PAPPA2: variants seen among roughly 807,000 people sequenced by gnomAD.
The protein encoded by PAPPA2 is pappalysin-2.
Under a neutral mutation model 176.4 loss-of-function variants are expected in PAPPA2, and 86 were observed. The observed-to-expected ratio is 0.49, with a 90% CI of 0.41 to 0.58. The LOEUF (loss-of-function observed/expected upper bound fraction) is 0.58, where lower values mean the gene tolerates loss of function less well. Among genes scored for constraint, PAPPA2 ranks in the 20% least tolerant of loss-of-function variants. The pLI is 0.00. For missense variants in PAPPA2, 2,073 were observed against 2,256.9 expected (o/e 0.92, Z 1.65); for synonymous variants, 809 against 852.2 (o/e 0.95, Z 0.88).
chr1:176,495,930 G>T (rs1242064220), intron 1 of PAPPA2, among the ~76,000 whole-genome samples: 1 of 152,042 alleles, frequency 6.6e-6, no homozygotes, highest in African/African-American at 2.4e-5. Flanking sequence ...ATTATGCCTG[G>T]CTCTGCAGTG....
intron 3 of PAPPA2, among the ~76,000 whole-genome samples, chr1:176,645,283 A>G (rs1005530235): frequency 1.3e-5 from 2 of 151,490 alleles, no homozygotes; most frequent in Admixed American, 1.3e-4. Context: ...CCACAATTCT[A>G]CCCTCTATCT....
chr1:176,535,598 A>C (rs749990959), intron 1 of PAPPA2, among the ~76,000 whole-genome samples: 50 of 152,174 alleles, frequency 3.3e-4, no homozygotes, highest in Non-Finnish European at 5.3e-4. Context: ...GCAGAAGAGC[A>C]CCAGGCCAGA....
At chr1:176,761,068 G>A (rs532254292) in intron 14 of PAPPA2, among the ~76,000 whole-genome samples, 121 of 152,122 alleles carry the variant, frequency 8.0e-4, no homozygotes, top group African/African-American at 2.8e-3. Flanking sequence ...TGATCCGCCC[G>A]CCTCGGCCTC....
At chr1:176,623,787 CT>C (rs1190737724) in intron 3 of PAPPA2, among the ~76,000 whole-genome samples, 1 of 106,796 alleles carries the variant, frequency 9.4e-6, no homozygotes, top group Non-Finnish European at 1.9e-5. Flanking sequence ...TTCTTTCTTT[CT>C]TTCTTTCTTT....
At chr1:176,557,658 G>A (rs2102592951) in intron 2 of PAPPA2, among the ~76,000 whole-genome samples, 1 of 152,286 alleles carries the variant, frequency 6.6e-6, no homozygotes. Context: ...TGAGCAATGA[G>A]TCATGCCTGG....
chr1:176,583,200 A>G (rs1653091730), intron 2 of PAPPA2, among the ~76,000 whole-genome samples: 1 of 151,562 alleles, frequency 6.6e-6, no homozygotes, highest in South Asian at 2.1e-4. Context: ...GTTTCATTGA[A>G]CTTTCTTAGT....
At chr1:176,747,083 A>C (rs1044208673) in intron 14 of PAPPA2, among the ~76,000 whole-genome samples, 1 of 152,248 alleles carries the variant, frequency 6.6e-6, no homozygotes, top group Admixed American at 6.5e-5. Flanking sequence ...GTTTCTGGGA[A>C]GGAAAGCTTC....
At chr1:176,496,706 G>A (rs1004653249) in intron 1 of PAPPA2, among the ~76,000 whole-genome samples, 3 of 152,206 alleles carry the variant, frequency 2.0e-5, no homozygotes, top group Admixed American at 1.3e-4. Flanking sequence ...GGGAATCTAG[G>A]AAGAGGTCGA....
At chr1:176,797,640 CA>C (rs986805274) in intron 20 of PAPPA2, among the ~76,000 whole-genome samples, 1 of 151,446 alleles carries the variant, frequency 6.6e-6, no homozygotes, top group Non-Finnish European at 1.5e-5. Context: ...GAGACTGTCT[CA>C]AAAAATATAT....
chr1:176,629,762 G>T (rs1338765289), intron 3 of PAPPA2, among the ~76,000 whole-genome samples: 1 of 152,126 alleles, frequency 6.6e-6, no homozygotes, highest in Admixed American at 6.5e-5. Flanking sequence ...CATTGGGGAG[G>T]ACACTGGAAT....
chr1:176,807,041 G>A (rs936616570), intron 21 of PAPPA2, among the ~76,000 whole-genome samples: 9 of 152,126 alleles, frequency 5.9e-5, no homozygotes, highest in East Asian at 1.9e-4. Context: ...TAGCCCACCC[G>A]CAAGAGAAAA....
chr1:176,550,895 G>A (rs569621863), intron 1 of PAPPA2, among the ~76,000 whole-genome samples: 131 of 152,210 alleles, frequency 8.6e-4, no homozygotes, highest in African/African-American at 2.8e-3. Flanking sequence ...CATTTTTGCC[G>A]GGATGTGGAA....
intron 21 of PAPPA2, among the ~76,000 whole-genome samples, chr1:176,836,128 C>T (rs1411670160): frequency 1.3e-5 from 2 of 152,182 alleles, no homozygotes; most frequent in Admixed American, 6.5e-5. Flanking sequence ...GCAAGAACTT[C>T]ATCAGGCGCT....
intron 3 of PAPPA2, among the ~76,000 whole-genome samples, chr1:176,666,159 C>G (rs1297749452): frequency 6.6e-6 from 1 of 152,046 alleles, no homozygotes; most frequent in Non-Finnish European, 1.5e-5. Context: ...AATCGTTGGT[C>G]TCTAAAGCAG....
chr1:176,838,955 G>A (rs183357678), intron 21 of PAPPA2, among the ~76,000 whole-genome samples: 72 of 152,346 alleles, frequency 4.7e-4, no homozygotes, highest in Non-Finnish European at 5.9e-5. Context: ...TCGTTCTGAT[G>A]TAACTCAATT....
At chr1:176,596,198 G>GT (rs1162983499) in intron 3 of PAPPA2, among the ~76,000 whole-genome samples, 3 of 152,134 alleles carry the variant, frequency 2.0e-5, no homozygotes, top group African/African-American at 7.2e-5. Context: ...TTTTAAAAAG[G>GT]TAAGTTGGAT....
At chr1:176,530,481 A>G (rs140425089) in intron 1 of PAPPA2, among the ~76,000 whole-genome samples, 3 of 152,334 alleles carry the variant, frequency 2.0e-5, no homozygotes, top group African/African-American at 7.2e-5. Flanking sequence ...CATCCTCTAG[A>G]GATCCTGGCT....
intron 14 of PAPPA2, among the ~76,000 whole-genome samples, chr1:176,750,491 G>C (rs1156528447): frequency 2.0e-5 from 3 of 151,988 alleles, no homozygotes; most frequent in African/African-American, 7.2e-5. Context: ...GGTAATCCCA[G>C]CTACTTGGGA....
At chr1:176,784,369 T>C (rs1664842213) in intron 17 of PAPPA2, among the ~76,000 whole-genome samples, 1 of 152,150 alleles carries the variant, frequency 6.6e-6, no homozygotes, top group South Asian at 2.1e-4. Context: ...GTGTCAAAGG[T>C]CACTCCTCAA....
Sources: allele counts gnomAD v4.1 joint callset (sites outside exome capture counted in the v4.1 genomes callset), GRCh38; gene constraint gnomAD v4.1.1; transcripts MANE v1.5; gene names NCBI Gene and HGNC (gene_info 2026-07-23, HGNC 2026-07-21).